The following DHX57 variants were observed in gnomAD, a reference collection of about 807,000 sequenced individuals.
The protein encoded by DHX57 is putative ATP-dependent RNA helicase DHX57.
A neutral mutation model predicts 156.2 loss-of-function variants in DHX57; 105 were observed. The observed-to-expected ratio is 0.67, with a 90% CI of 0.57 to 0.79. The LOEUF (loss-of-function observed/expected upper bound fraction) is 0.79, where lower values mean the gene tolerates loss of function less well. DHX57 is among the 30% of genes least tolerant of loss of function. The pLI is 0.00. For missense variants in DHX57, 1,847 were observed against 1,661.9 expected, an observed-to-expected ratio of 1.11 and a Z score of -1.94; for synonymous variants, 704 against 595.6, an observed-to-expected ratio of 1.18 and a Z score of -2.65.
rs763919326 is a variant in DHX57, at chr2:38,815,699, C to A, written c.3472-44G>T. On this transcript the variant is annotated intron_variant, in intron 19 of 23. Coordinates refer to ENST00000457308, the MANE Select transcript of DHX57 (RefSeq NM_198963.3). ...CCTTTAAGCAAGGGCATCAGCATAA[C>A]AAAGTGTTAAGTCTTACAAAAATGA... 1.9e-6 allele frequency: 3 copies of A among 1,613,214 alleles called. No individual in the cohort carries two copies. In the South Asian group the frequency reaches 3.3e-5, roughly 18 times the overall value.
At chr2:38,872,105 G>T (rs1665384887) in intron 1 of DHX57, among the ~76,000 whole-genome samples, 1 of 152,110 alleles carries the variant, frequency 6.6e-6, no homozygotes, top group Non-Finnish European at 1.5e-5. Context: ...CCTGTTATTA[G>T]GCCCCATCTC....
intron 11 of DHX57, among the ~76,000 whole-genome samples, chr2:38,846,234 A>G (rs1393858047): frequency 6.6e-6 from 1 of 152,206 alleles, no homozygotes; most frequent in Non-Finnish European, 1.5e-5. Context: ...GCAAGTATTA[A>G]TTCATTAATT....
chr2:38,848,497 T>A, intron 9 of DHX57, 95 bp from the exon 10 acceptor site: 1 of 1,299,478 alleles, frequency 7.7e-7, no homozygotes, highest in Non-Finnish European at 1.0e-6. Context: ...ATGTGTAAGA[T>A]CTCTGTGAAA....
chr2:38,800,186 A>C (rs1418969194), intron 23 of DHX57, among the ~76,000 whole-genome samples: 2 of 9,344 alleles, frequency 2.1e-4, no homozygotes, highest in Non-Finnish European at 1.0e-3. Flanking sequence ...ACTCCATCTC[A>C]AAAAAAAAAA....
At chr2:38,817,392 GA>G (rs1670600891) in intron 19 of DHX57, among the ~76,000 whole-genome samples, 1 of 152,078 alleles carries the variant, frequency 6.6e-6, no homozygotes, top group African/African-American at 2.4e-5. Flanking sequence ...TCAACTCACT[GA>G]AACCTTCATC....
intron 19 of DHX57, among the ~76,000 whole-genome samples, chr2:38,817,326 A>AT (rs1173835238): frequency 3.3e-5 from 5 of 151,762 alleles, no homozygotes; most frequent in African/African-American, 1.2e-4. Flanking sequence ...TTATTTATTT[A>AT]TTTTTTGAGA....
intron 9 of DHX57, among the ~76,000 whole-genome samples, chr2:38,850,250 A>C (rs1672512239): frequency 6.6e-6 from 1 of 152,178 alleles, no homozygotes. Flanking sequence ...GTTTGGGAGT[A>C]GTAAGAGGGA....
In DHX57 at chr2:38,863,444, A is replaced by C. The variant is rs1673343868; in HGVS notation, c.300T>G (p.Thr100=). Residue 100 remains threonine (T), a synonymous_variant, in exon 3 of 24, where the codon ACT becomes ACG. Transcript: ENST00000457308. ...CTTGATTCTCAGAAGTCATATGTAG[A>C]GTCTGAAGGGGTACTTTGGCTTTGG... ...WKPKAKVPLQ[T]LHMTSENQEK... is the part of the protein sequence containing the mutation. 1 of 1,614,010 alleles carries C rather than the reference A, an allele frequency of 6.2e-7. No individual in the cohort carries two copies. The highest frequency in any genetic ancestry group is 1.3e-5 in the African/African-American group (1 of 74,922).
intron 1 of DHX57, among the ~76,000 whole-genome samples, chr2:38,872,385 G>C (rs536284146): frequency 1.3e-5 from 2 of 152,262 alleles, no homozygotes; most frequent in East Asian, 3.9e-4. Flanking sequence ...TCAGTATATA[G>C]ACAATAAAAA....
intron 10 of DHX57, among the ~76,000 whole-genome samples, chr2:38,847,305 T>C (rs1672339480): frequency 6.6e-6 from 1 of 152,178 alleles, no homozygotes; most frequent in South Asian, 2.1e-4. Flanking sequence ...GCTAAGACTT[T>C]TTTTCTTTTA....
intron 11 of DHX57, among the ~76,000 whole-genome samples, chr2:38,845,865 CTTTT>C (rs5830544): frequency 1.5e-5 from 2 of 137,200 alleles, no homozygotes; most frequent in Non-Finnish European, 3.2e-5. Context: ...TAATAGCTAA[CTTTT>C]TTTTTTTTTT....
chr2:38,870,489 C>G (rs1336170876), intron 1 of DHX57, among the ~76,000 whole-genome samples: 1 of 152,226 alleles, frequency 6.6e-6, no homozygotes, highest in African/African-American at 2.4e-5. Flanking sequence ...AACAACTTAT[C>G]ACTTACAGGG....
chr2:38,854,288 C>T (rs576975345), intron 8 of DHX57, 110 bp from the exon 9 acceptor site: 1 of 1,139,924 alleles, frequency 8.8e-7, no homozygotes, highest in Non-Finnish European at 1.2e-6. Flanking sequence ...GAAACACCAG[C>T]AGTTCCATTT....
intron 12 of DHX57, among the ~76,000 whole-genome samples, chr2:38,840,339 T>C (rs1671919023): frequency 6.6e-6 from 1 of 152,020 alleles, no homozygotes; most frequent in South Asian, 2.1e-4. Flanking sequence ...ATTATTTAAT[T>C]TTCTGAAAGG....
chr2:38,806,844 T>A, intron 21 of DHX57, 151 bp from the exon 22 acceptor site: 1 of 810,134 alleles, frequency 1.2e-6, no homozygotes. Flanking sequence ...TGTTTCCTTC[T>A]GAAAGCAGAA....
At chr2:38,850,913 A>G (rs1009121526) in intron 9 of DHX57, among the ~76,000 whole-genome samples, 12 of 152,090 alleles carry the variant, frequency 7.9e-5, no homozygotes, top group African/African-American at 2.7e-4. Flanking sequence ...CGACTCTATT[A>G]AAAAAATAGA....
At position 38,849,333 on chromosome 2, in the gene DHX57, A is replaced by C. The variant is rs75306817; in HGVS notation, c.2031-931T>G. 3.0e-3 allele frequency among the ~76,000 whole-genome samples: 461 copies of C among 152,318 alleles called. 5 individuals are homozygous for C. The highest frequency in any genetic ancestry group is 0.01 in the Middle Eastern group (3 of 294). ...CTGGAATAGTATGCACGGCAGAATAACACCACCCTAATTGGTCTCTTGGCC... is the reference window on the plus strand; with the variant it reads ...CTGGAATAGTATGCACGGCAGAATACCACCACCCTAATTGGTCTCTTGGCC... On this transcript the variant is annotated intron_variant, in intron 9 of 23. Transcript: ENST00000457308.
At chr2:38,872,579 G>A (rs938068757) in intron 1 of DHX57, among the ~76,000 whole-genome samples, 2 of 152,216 alleles carry the variant, frequency 1.3e-5, no homozygotes, top group Non-Finnish European at 2.9e-5. Context: ...AGGTGGAGTG[G>A]CTATGTTAAT....
At chr2:38,853,507 G>A (rs1012958939) in intron 9 of DHX57, 1 of 152,182 alleles carries the variant, frequency 6.6e-6, no homozygotes. Flanking sequence ...AACACAGCAT[G>A]CCGTTTATTC....
Sources: gnomAD v4.1 joint callset for allele counts (sites outside exome capture counted in the v4.1 genomes callset) on GRCh38, gnomAD v4.1.1 for gene constraint, MANE v1.5 for transcripts, NCBI Gene and HGNC (gene_info 2026-07-23, HGNC 2026-07-21) for gene names.